Variants in LIPI observed in about 807,000 individuals in gnomAD.
LIPI encodes the protein lipase I, also known as lipase member I.
LIPI carries 59 observed loss-of-function variants against 50.6 expected under a neutral mutation model. The ratio of observed to expected loss-of-function variants is 1.16; its 90% confidence interval spans 0.94 to 1.45. The LOEUF (loss-of-function observed/expected upper bound fraction) is 1.45, where lower values mean the gene tolerates loss of function less well. LIPI is among the 40% of genes most tolerant of loss of function. The pLI is 0.00. For missense variants in LIPI, 586 were observed against 536.3 expected, an observed-to-expected ratio of 1.09 and a Z score of -0.92; for synonymous variants, 203 against 178.2, an observed-to-expected ratio of 1.14 and a Z score of -1.11.
intron 4 of LIPI, among the ~76,000 whole-genome samples, chr21:14,169,626 C>T (rs142885489): frequency 0.017 from 2,616 of 152,148 alleles, 63 homozygotes; most frequent in African/African-American, 0.051. Flanking sequence ...GGGTACATAA[C>T]GAAATGAAGG....
chr21:14,118,814 A>G lies in LIPI; in HGVS notation c.1296-9734T>C, dbSNP rs1271415131. Among the ~76,000 whole-genome samples the G allele has an allele frequency of 1.1e-4, 16 of 152,226 alleles. 1 individual carries two copies. The highest frequency in any genetic ancestry group is 2.9e-5 in the Non-Finnish European group (2 of 68,036). ...CCTGGTGCAGATCTGTCAGTATCCCATTCCCACAGAGGTTAACCAAGGGAT... is the reference window on the plus strand; with the variant it reads ...CCTGGTGCAGATCTGTCAGTATCCCGTTCCCACAGAGGTTAACCAAGGGAT... On this transcript the variant is annotated intron_variant, in intron 9 of 9. Coordinates refer to ENST00000681601, the MANE Select transcript of LIPI (RefSeq NM_001302998.2).
intron 7 of LIPI, among the ~76,000 whole-genome samples, chr21:14,158,440 T>C (rs1371607484): frequency 6.6e-6 from 1 of 151,448 alleles, no homozygotes; most frequent in Admixed American, 6.6e-5. Context: ...CAGGCAGTAC[T>C]GAGAGGAAAT....
At chr21:14,186,441 G>T (rs890087576) in intron 2 of LIPI, among the ~76,000 whole-genome samples, 1 of 152,060 alleles carries the variant, frequency 6.6e-6, no homozygotes, top group Non-Finnish European at 1.5e-5. Context: ...TTCCAATTTC[G>T]TTATGAGTTA....
intron 9 of LIPI, among the ~76,000 whole-genome samples, chr21:14,113,161 T>C (rs2016482041): frequency 6.6e-6 from 1 of 152,190 alleles, no homozygotes; most frequent in African/African-American, 2.4e-5. Context: ...TATAGAACAT[T>C]CAATAAGATA....
chr21:14,158,546 C>A (rs2123121055), intron 7 of LIPI, among the ~76,000 whole-genome samples: 1 of 149,460 alleles, frequency 6.7e-6, no homozygotes, highest in East Asian at 1.9e-4. Context: ...ACAAAATAAA[C>A]CCAAATAGAG....
intron 9 of LIPI, among the ~76,000 whole-genome samples, chr21:14,136,878 G>A (rs1259349436): frequency 6.6e-6 from 1 of 152,192 alleles, no homozygotes; most frequent in Non-Finnish European, 1.5e-5. Flanking sequence ...CAGAGACAGA[G>A]AGACTCTATA....
intron 9 of LIPI, among the ~76,000 whole-genome samples, chr21:14,128,899 G>A (rs1217291525): frequency 1.3e-5 from 2 of 152,076 alleles, no homozygotes; most frequent in South Asian, 2.1e-4. Context: ...CTGGGTGAGA[G>A]TATTGATCAT....
Position 14,183,521 on chromosome 21 carries a change from C to T in LIPI, c.542-1662G>A, listed in dbSNP as rs560598786. ...GCTTCTGCACAGCAAAAGAAACTACCATCAGAGTGAACAGGCAACCTATAG... is the reference window on the plus strand; with the variant it reads ...GCTTCTGCACAGCAAAAGAAACTACTATCAGAGTGAACAGGCAACCTATAG... On this transcript the variant is annotated intron_variant, in intron 3 of 9. Coordinates refer to ENST00000681601, the MANE Select transcript of LIPI (RefSeq NM_001302998.2). Among the ~76,000 whole-genome samples the T allele has an allele frequency of 4.0e-3, 615 of 152,188 alleles. 7 individuals carry two copies. Among genetic ancestry groups the T allele is most frequent in the African/African-American group, 0.014 (596 of 41,520 alleles).
At chr21:14,170,055 A>G (rs2018836477) in intron 4 of LIPI, among the ~76,000 whole-genome samples, 1 of 152,242 alleles carries the variant, frequency 6.6e-6, no homozygotes, top group Non-Finnish European at 1.5e-5. Flanking sequence ...CCACAGAAAT[A>G]CAAACTACCA....
chr21:14,192,155 G>C (rs552286347), intron 1 of LIPI, among the ~76,000 whole-genome samples: 17 of 152,208 alleles, frequency 1.1e-4, no homozygotes, highest in African/African-American at 4.1e-4. Flanking sequence ...CAAGTAAAGA[G>C]AATAAAAACA....
intron 1 of LIPI, 54 bp from the exon 2 acceptor site, chr21:14,189,473 G>T: frequency 5.3e-6 from 8 of 1,496,470 alleles, no homozygotes; most frequent in Non-Finnish European, 7.4e-6. Flanking sequence ...TTTTATTCCT[G>T]TTGCTATTGC....
chr21:14,208,620 TCGTGCA>T (rs68131489), intron 1 of LIPI, among the ~76,000 whole-genome samples: 51,285 of 151,798 alleles, frequency 0.34, 9,923 homozygotes, highest in African/African-American at 0.55. Context: ...AAAGTTGTAT[TCGTGCA>T]CGTGCACATG....
intron 1 of LIPI, among the ~76,000 whole-genome samples, chr21:14,191,008 A>G (rs1194376860): frequency 6.6e-6 from 1 of 152,198 alleles, no homozygotes; most frequent in Non-Finnish European, 1.5e-5. Context: ...TATATCTATT[A>G]TCTATTAAAA....
intron 7 of LIPI, among the ~76,000 whole-genome samples, chr21:14,153,152 G>A (rs899699079): frequency 6.6e-6 from 1 of 152,042 alleles, no homozygotes; most frequent in Non-Finnish European, 1.5e-5. Flanking sequence ...ATATATATAA[G>A]GTAAGGTCAT....
At chr21:14,155,356 G>T (rs536733012) in intron 7 of LIPI, among the ~76,000 whole-genome samples, 39 of 152,080 alleles carry the variant, frequency 2.6e-4, no homozygotes, top group Non-Finnish European at 4.9e-4. Flanking sequence ...TATAATAAAA[G>T]ATGTAATATT....
rs547553492 is a variant in LIPI, at chr21:14,210,778, A to C, written c.46+22T>G. 23 of 1,020,954 alleles carry C rather than the reference A, an allele frequency of 2.3e-5. No individual in the cohort carries two copies. In the South Asian group the frequency reaches 3.5e-4, roughly 16 times the overall value. 63.2% of individuals were successfully genotyped at this position (1,020,954 alleles called of 1,614,324 possible). A position where few individuals can be genotyped will look rare whatever the true frequency, so the allele number is the denominator to read the frequency against. On this transcript the variant is annotated intron_variant, in intron 1 of 9. Transcript: ENST00000681601. ...TATATGCAATTTTTAAAGATAAATC[A>C]AATTATTAATTAATATCTTACCAGA...
At chr21:14,140,421 C>T (rs1005680448) in intron 9 of LIPI, among the ~76,000 whole-genome samples, 4 of 151,944 alleles carry the variant, frequency 2.6e-5, no homozygotes, top group African/African-American at 9.7e-5. Context: ...TAATTTAAAT[C>T]CATCTATGTC....
chr21:14,200,131 C>G (rs2020001589), intron 1 of LIPI, among the ~76,000 whole-genome samples: 1 of 152,106 alleles, frequency 6.6e-6, no homozygotes, highest in South Asian at 2.1e-4. Context: ...ATATGACAAA[C>G]CCACAGCCAA....
At chr21:14,187,732 G>A (rs1244925390) in intron 2 of LIPI, among the ~76,000 whole-genome samples, 1 of 151,392 alleles carries the variant, frequency 6.6e-6, no homozygotes, top group African/African-American at 2.4e-5. Context: ...CCAAATTTGG[G>A]GGTGTAAAAA....
Sources: gnomAD v4.1 joint callset for allele counts (sites outside exome capture counted in the v4.1 genomes callset) on GRCh38, gnomAD v4.1.1 for gene constraint, MANE v1.5 for transcripts, NCBI Gene and HGNC (gene_info 2026-07-23, HGNC 2026-07-21) for gene names.